The following RAB33B variants were observed in gnomAD, a reference collection of about 807,000 sequenced individuals.
RAB33B encodes ras-related protein Rab-33B.
A neutral mutation model predicts 15.0 loss-of-function variants in RAB33B; 6 were observed. The ratio of observed to expected loss-of-function variants is 0.40; its 90% confidence interval spans 0.22 to 0.79. The LOEUF (loss-of-function observed/expected upper bound fraction) is 0.79. RAB33B is among the 30% of genes least tolerant of loss of function. The probability of loss-of-function intolerance (pLI) is 0.37; values close to 1 mark genes in which losing one functional copy is unlikely to be tolerated. For synonymous variants in RAB33B, 117 were observed against 108.3 expected, an observed-to-expected ratio of 1.08 and a Z score of -0.50; for missense variants, 257 against 296.4, an observed-to-expected ratio of 0.87 and a Z score of 0.98.
In RAB33B at chr4:139,454,250, G is replaced by T; in HGVS notation, c.55G>T (p.Val19Leu). 1 of 1,614,164 alleles carries T rather than the reference G, an allele frequency of 6.2e-7. No homozygotes were observed. The highest frequency in any genetic ancestry group is 8.5e-7 in the Non-Finnish European group (1 of 1,180,018). Residue 19 changes from valine to leucine, a missense_variant, in exon 1 of 2, where the codon GTG (valine) becomes TTG (leucine). Physicochemically the swap from Val to Leu is conservative, Grantham distance 32. Transcript: ENST00000305626. ...GGCAAGCTTTTCGTCCAGCGGGGCA[G>T]TGTCAGGGGCCTCAGGGTTTTTGCC... is the stretch of plus-strand genomic sequence containing the variant. ...LEASFSSSGA[V>L]SGASGFLPPA... is the part of the protein sequence containing the mutation.
upstream of RAB33B, chr4:139,451,332 C>T (rs924181038): frequency 7.4e-5 from 11 of 149,048 alleles, no homozygotes; most frequent in Non-Finnish European, 1.3e-4. Context: ...TCCTGAGTAG[C>T]AGGAAGTAGA....
At position 139,475,330 on chromosome 4, in the gene RAB33B, CTAT is replaced by C. The variant is rs1750480972; in HGVS notation, c.*2211_*2213del. On this transcript the variant is annotated 3_prime_UTR_variant, in exon 2 of 2. Coordinates refer to ENST00000305626, the MANE Select transcript of RAB33B (RefSeq NM_031296.3). ...CAAGCACATTTATGGTTTTTTATTA[CTAT>C]TATTATGGTTTTAAAAAGAGTAACT... The C allele has an allele frequency of 1.3e-5, 2 of 151,784 alleles. No homozygotes were observed. Among genetic ancestry groups the C allele is most frequent in the South Asian group, 2.1e-4 (1 of 4,826 alleles). The allele number at this position is 151,784 out of a possible 1,614,324, so 9.4% of individuals were successfully genotyped here.
the RAB33B span, among the ~76,000 whole-genome samples, chr4:139,446,448 G>A: frequency 6.6e-6 from 1 of 152,190 alleles, no homozygotes; most frequent in Non-Finnish European, 1.5e-5. Context: ...ATGGCCAGAT[G>A]TGCGATTATA....
Position 139,458,430 on chromosome 4 carries a change from T to C in RAB33B, c.249+3986T>C, listed in dbSNP as rs113014842. Among the ~76,000 whole-genome samples, 589 of 152,316 alleles carry C rather than the reference T, an allele frequency of 3.9e-3. 2 individuals carry two copies. The highest frequency in any genetic ancestry group is 0.012 in the African/African-American group (518 of 41,576). ...CATATTAAGCATAGTACCCAATAGG[T>C]ATTTTTTCTGATCTTCCACCTCCCA... On this transcript the variant is annotated intron_variant, in intron 1 of 1. Transcript: ENST00000305626.
At chr4:139,457,966 C>A (rs916325505) in intron 1 of RAB33B, among the ~76,000 whole-genome samples, 2 of 152,100 alleles carry the variant, frequency 1.3e-5, no homozygotes, top group African/African-American at 4.8e-5. Flanking sequence ...CTTTTTTTAA[C>A]CTCTCTTTGA....
At chr4:139,443,262 G>A in the RAB33B span, among the ~76,000 whole-genome samples, 5 of 152,274 alleles carry the variant, frequency 3.3e-5, no homozygotes, top group African/African-American at 7.2e-5. Context: ...AAAGTGCTGC[G>A]ATTACAGGCT....
At chr4:139,441,806 G>T in the RAB33B span, among the ~76,000 whole-genome samples, 1 of 152,188 alleles carries the variant, frequency 6.6e-6, no homozygotes, top group Non-Finnish European at 1.5e-5. Context: ...CTGTACATAA[G>T]ACAGACTCTG....
At chr4:139,453,717 G>T (rs1235556622), upstream of RAB33B, 3 of 152,850 alleles carry the variant, frequency 2.0e-5, no homozygotes, top group African/African-American at 7.2e-5. Context: ...CCCGTCAAAG[G>T]CGGCTCTGCG....
chr4:139,443,322 AT>A, the RAB33B span, among the ~76,000 whole-genome samples: 1 of 152,220 alleles, frequency 6.6e-6, no homozygotes, highest in Non-Finnish European at 1.5e-5. Flanking sequence ...GTTATGAAAA[AT>A]AAATGCGTTT....
intron 1 of RAB33B, 24 bp downstream of exon 1, chr4:139,454,468 G>A: frequency 6.2e-7 from 1 of 1,600,202 alleles, no homozygotes; most frequent in South Asian, 1.1e-5. Flanking sequence ...GAACTGTTGG[G>A]GAGGACAGGG....
Position 139,454,370 on chromosome 4 carries a change from C to A in RAB33B, c.175C>A (p.Pro59Thr). 6.2e-7 allele frequency: 1 copy of A among 1,613,882 alleles called. No individual in the cohort carries two copies. Among genetic ancestry groups the A allele is most frequent in the Non-Finnish European group, 8.5e-7 (1 of 1,179,996 alleles). Residue 59 changes from proline (P) to threonine (T), a missense_variant, in exon 1 of 2, where the codon CCC becomes ACC. Transcript: ENST00000305626. Reference protein sequence around the residue: ...LTYRFCAGRFPDRTEATIGVD... With the variant: ...LTYRFCAGRFTDRTEATIGVD... Reference sequence around the variant, plus strand: ...CTACCGCTTCTGCGCTGGCCGCTTCCCCGACCGCACCGAGGCCACGATAGG... The same window carrying A: ...CTACCGCTTCTGCGCTGGCCGCTTCACCGACCGCACCGAGGCCACGATAGG...
At chr4:139,465,125 T>G (rs902420425) in intron 1 of RAB33B, among the ~76,000 whole-genome samples, 1 of 152,220 alleles carries the variant, frequency 6.6e-6, no homozygotes, top group African/African-American at 2.4e-5. Context: ...TGATTTGCAT[T>G]TCTCTGATGG....
chr4:139,457,663 A>C (rs1490285742), intron 1 of RAB33B, among the ~76,000 whole-genome samples: 5 of 152,256 alleles, frequency 3.3e-5, no homozygotes, highest in Non-Finnish European at 7.3e-5. Flanking sequence ...AGCACAGAGA[A>C]TTATGATACG....
chr4:139,464,961 C>A (rs893542836), intron 1 of RAB33B, among the ~76,000 whole-genome samples: 3 of 152,176 alleles, frequency 2.0e-5, no homozygotes, highest in African/African-American at 7.2e-5. Flanking sequence ...GAGGAATCGC[C>A]ACACTGTCTT....
At chr4:139,450,479 A>AT (rs1161802359), upstream of RAB33B, 1 of 152,246 alleles carries the variant, frequency 6.6e-6, no homozygotes, top group Non-Finnish European at 1.5e-5. Context: ...TGCCAGTGGC[A>AT]TTCAAGGAGG....
intron 1 of RAB33B, among the ~76,000 whole-genome samples, chr4:139,465,799 G>A (rs1190755647): frequency 6.8e-6 from 1 of 147,794 alleles, no homozygotes; most frequent in Non-Finnish European, 1.5e-5. Context: ...GCACGATTAT[G>A]GCTCACTGCA....
At chr4:139,465,810 G>A (rs1464298873) in intron 1 of RAB33B, among the ~76,000 whole-genome samples, 2 of 150,702 alleles carry the variant, frequency 1.3e-5, no homozygotes, top group Non-Finnish European at 3.0e-5. Flanking sequence ...GCTCACTGCA[G>A]CCTTGATCTC....
intron 1 of RAB33B, among the ~76,000 whole-genome samples, chr4:139,469,948 A>G (rs1401214453): frequency 6.6e-6 from 1 of 152,180 alleles, no homozygotes; most frequent in African/African-American, 2.4e-5. Context: ...GCACTAGGTC[A>G]AAGCCCCCTT....
At position 139,473,786 on chromosome 4, in the gene RAB33B, C is replaced by A. The variant is rs1458743295; in HGVS notation, c.*660C>A. ...AAGGCATAGAATGTTTTCTGGTTCCCAGTCCATAAAGAATGACTTTTCCAA... is the reference window on the plus strand; with the variant it reads ...AAGGCATAGAATGTTTTCTGGTTCCAAGTCCATAAAGAATGACTTTTCCAA... On this transcript the variant is annotated 3_prime_UTR_variant, in exon 2 of 2. Transcript: ENST00000305626. 6.6e-6 allele frequency: 1 copy of A among 152,054 alleles called. No homozygotes were observed. Among genetic ancestry groups the A allele is most frequent in the Non-Finnish European group, 1.5e-5 (1 of 68,028 alleles). 9.4% of individuals were successfully genotyped at this position (152,054 alleles called of 1,614,324 possible).
Sources: allele counts gnomAD v4.1 joint callset (sites outside exome capture counted in the v4.1 genomes callset), GRCh38; gene constraint gnomAD v4.1.1; transcripts MANE v1.5; gene names NCBI Gene and HGNC (gene_info 2026-07-23, HGNC 2026-07-21).